FRS2: variants seen among roughly 807,000 people sequenced by gnomAD.
The protein encoded by FRS2 is FGFR signalling adaptor.
In FRS2, 8 loss-of-function variants were observed where a neutral mutation model predicts 43.9. That is an observed-to-expected ratio of 0.18 (90% confidence interval 0.11 to 0.33). The LOEUF (loss-of-function observed/expected upper bound fraction) is 0.33. Ranked by LOEUF, FRS2 falls within the 10% of genes least tolerant of loss-of-function variation. The pLI, the probability that FRS2 is intolerant of heterozygous loss-of-function variation, is 1.00. For missense variants in FRS2, 534 were observed against 627.6 expected, an observed-to-expected ratio of 0.85 and a Z score of 1.59; for synonymous variants, 219 against 220.3, an observed-to-expected ratio of 0.99 and a Z score of 0.05.
At chr12:69,497,956 G>A (rs1313512634) in intron 1 of FRS2, among the ~76,000 whole-genome samples, 1 of 152,132 alleles carries the variant, frequency 6.6e-6, no homozygotes, top group African/African-American at 2.4e-5. Context: ...GAGTATAACT[G>A]TTATTCCAGG....
intron 1 of FRS2, among the ~76,000 whole-genome samples, chr12:69,521,168 G>A (rs1875604946): frequency 6.6e-6 from 1 of 152,074 alleles, no homozygotes; most frequent in South Asian, 2.1e-4. Context: ...TGTGGCAATT[G>A]TGAACAGAAT....
intron 3 of FRS2, among the ~76,000 whole-genome samples, chr12:69,545,813 T>C (rs1446300182): frequency 1.4e-5 from 2 of 138,224 alleles, no homozygotes; most frequent in Non-Finnish European, 3.2e-5. Flanking sequence ...CACTTGCATA[T>C]ATGGTCAAAT....
At chr12:69,511,419 T>C (rs1180643783) in intron 1 of FRS2, among the ~76,000 whole-genome samples, 1 of 152,176 alleles carries the variant, frequency 6.6e-6, no homozygotes, top group East Asian at 1.9e-4. Context: ...AGAATTCCAT[T>C]GATAATGTTT....
intron 3 of FRS2, among the ~76,000 whole-genome samples, chr12:69,535,723 C>G (rs2135680516): frequency 6.6e-6 from 1 of 152,050 alleles, no homozygotes; most frequent in African/African-American, 2.4e-5. Flanking sequence ...TCTTCTCTGT[C>G]TTGGTTTTGT....
chr12:69,532,667 A>G (rs1034326673), intron 3 of FRS2, among the ~76,000 whole-genome samples: 3 of 152,156 alleles, frequency 2.0e-5, no homozygotes, highest in Non-Finnish European at 4.4e-5. Context: ...CAGCATCTGA[A>G]TTTTAGAAGG....
chr12:69,520,229 T>C (rs1875492196), intron 1 of FRS2, among the ~76,000 whole-genome samples: 1 of 152,216 alleles, frequency 6.6e-6, no homozygotes, highest in African/African-American at 2.4e-5. Context: ...TTGGTACGTG[T>C]CCTTTGCCCA....
intron 3 of FRS2, among the ~76,000 whole-genome samples, chr12:69,553,023 AAC>A (rs1204687456): frequency 2.0e-5 from 3 of 152,190 alleles, no homozygotes; most frequent in Non-Finnish European, 4.4e-5. Flanking sequence ...TTTTAAAAAT[AAC>A]ACAAAACTCA....
intron 1 of FRS2, among the ~76,000 whole-genome samples, chr12:69,472,921 A>G (rs1870442971): frequency 6.6e-6 from 1 of 152,258 alleles, no homozygotes; most frequent in Non-Finnish European, 1.5e-5. Flanking sequence ...TATAAAGATT[A>G]AACTTTTGGT....
intron 3 of FRS2, among the ~76,000 whole-genome samples, chr12:69,546,601 C>A (rs1378508419): frequency 6.6e-6 from 1 of 151,934 alleles, no homozygotes; most frequent in Admixed American, 6.6e-5. Flanking sequence ...CCCTGTTGTC[C>A]AGGCTGGTCT....
rs939516824 is a variant in FRS2 at position 69,573,627 on chromosome 12, T to C, written c.577-378T>C. Among the ~76,000 whole-genome samples the C allele has an allele frequency of 3.3e-5, 5 of 152,138 alleles. No homozygotes were observed. The South Asian group carries it at 8.3e-4, about 25-fold the overall frequency. On this transcript the variant is annotated intron_variant, in intron 8 of 8. Coordinates refer to ENST00000549921, the MANE Select transcript of FRS2 (RefSeq NM_001278356.2). The stretch of plus-strand genomic sequence containing the variant: ...ACAGGCGCTCACCACCATGCCCAGC[T>C]AATTTTTGTATTTTTAGTAGGGACG...
Position 69,477,272 on chromosome 12 carries a change from CTT to C in FRS2, c.-261+6762_-261+6763del, listed in dbSNP as rs11300091. On this transcript the variant is annotated intron_variant, in intron 1 of 8. Transcript: ENST00000549921. ...TGCATGTCGACAGTATTTTAAAATA[CTT>C]TTTTTTTTTTTTTTTTTTTGGTTTG... Among the ~76,000 whole-genome samples the C allele has an allele frequency of 0.011, 1,157 of 103,154 alleles. 25 individuals carry two copies. In the East Asian group the frequency reaches 0.14, roughly 12 times the overall value. The allele number at this position is 103,154 out of a possible 152,430, so 67.7% of individuals were successfully genotyped here. A position where few individuals can be genotyped will look rare whatever the true frequency, so the allele number is the denominator to read the frequency against.
intron 1 of FRS2, among the ~76,000 whole-genome samples, chr12:69,501,131 T>C (rs887983624): frequency 6.6e-6 from 1 of 151,170 alleles, no homozygotes; most frequent in African/African-American, 2.4e-5. Context: ...TAAGATGAAC[T>C]TTTTCTGTTG....
intron 1 of FRS2, among the ~76,000 whole-genome samples, chr12:69,481,938 A>C (rs1344849353): frequency 6.6e-6 from 1 of 150,774 alleles, no homozygotes; most frequent in East Asian, 1.9e-4. Context: ...TCTACTCTAT[A>C]GTTACTATTT....
rs60460901 is a variant in FRS2 at position 69,545,755 on chromosome 12, C to CAA, written c.-122+13721_-122+13722dup. 8.5e-3 allele frequency among the ~76,000 whole-genome samples: 685 copies of CAA among 80,164 alleles called. 10 individuals carry two copies. The highest frequency in any genetic ancestry group is 0.018 in the South Asian group (31 of 1,746). The allele number at this position is 80,164 out of a possible 152,430, so 52.6% of individuals were successfully genotyped here. A position where few individuals can be genotyped will look rare whatever the true frequency, so the allele number is the denominator to read the frequency against. ...TGGGCGACAGTGTGAGACCCTGTCT[C>CAA]AAAAAAAAAAAAAAAAAAAAAAACA... is the stretch of plus-strand genomic sequence containing the variant. On this transcript the variant is annotated intron_variant, in intron 3 of 8. Transcript: ENST00000549921.
In FRS2 at chr12:69,537,305, C is replaced by G. The variant is rs2135688507; in HGVS notation, c.-122+5249C>G. Reference sequence around the variant, plus strand: ...TTACTGTTTTCTTGGCTTATTGTTCCTTTTTGGATCTGAGACCTTTCTTCT... The same window carrying G: ...TTACTGTTTTCTTGGCTTATTGTTCGTTTTTGGATCTGAGACCTTTCTTCT... On this transcript the variant is annotated intron_variant, in intron 3 of 8. Coordinates refer to ENST00000549921, the MANE Select transcript of FRS2 (RefSeq NM_001278356.2). Among the ~76,000 whole-genome samples the G allele has an allele frequency of 2.0e-5, 3 of 150,536 alleles. No homozygotes were observed. The Middle Eastern group carries it at 0.01, about 516-fold the overall frequency.
In FRS2 at chr12:69,557,594, T is replaced by TTGTGTGTGTGTGCGTG. The variant is rs796386936; in HGVS notation, c.-121-4574_-121-4573insCGTGTGTGTGTGTGTG. Among the ~76,000 whole-genome samples, 326 of 137,070 alleles carry TTGTGTGTGTGTGCGTG rather than the reference T, an allele frequency of 2.4e-3. 1 individual carries two copies. The highest frequency in any genetic ancestry group is 7.8e-3 in the African/African-American group (286 of 36,518). The allele number at this position is 137,070 out of a possible 152,430, so 89.9% of individuals were successfully genotyped here. On this transcript the variant is annotated intron_variant, in intron 3 of 8. Coordinates refer to ENST00000549921, the MANE Select transcript of FRS2 (RefSeq NM_001278356.2). The stretch of plus-strand genomic sequence containing the variant: ...TTTCTTTGAGAGTTCTGAAGGTTGA[T>TTGTGTGTGTGTGCGTG]TGTGTGTGTGTGTGTGTGTGTGTGT...
At chr12:69,505,441 G>A (rs1214997642) in intron 1 of FRS2, among the ~76,000 whole-genome samples, 2 of 152,130 alleles carry the variant, frequency 1.3e-5, no homozygotes, top group African/African-American at 2.4e-5. Flanking sequence ...CACTAAGGTG[G>A]TATTCTCATA....
At chr12:69,482,004 T>C (rs1288759274) in intron 1 of FRS2, among the ~76,000 whole-genome samples, 1 of 151,684 alleles carries the variant, frequency 6.6e-6, no homozygotes, top group African/African-American at 2.4e-5. Context: ...GGTTTTTTTT[T>C]TTTTCCTTAG....
intron 1 of FRS2, among the ~76,000 whole-genome samples, chr12:69,522,749 C>T (rs1212666333): frequency 6.6e-6 from 1 of 152,320 alleles, no homozygotes; most frequent in African/African-American, 2.4e-5. Flanking sequence ...AAATTTCCCT[C>T]TTCACGCTGC....
Sources: gnomAD v4.1 joint callset for allele counts (sites outside exome capture counted in the v4.1 genomes callset) on GRCh38, gnomAD v4.1.1 for gene constraint, MANE v1.5 for transcripts, NCBI Gene and HGNC (gene_info 2026-07-23, HGNC 2026-07-21) for gene names.